MYRIP: variants seen among roughly 807,000 people sequenced by gnomAD.
MYRIP encodes the protein rab effector MyRIP.
Under a neutral mutation model 98.0 loss-of-function variants are expected in MYRIP, and 49 were observed. That is an observed-to-expected ratio of 0.50 (90% CI 0.40 to 0.63). The LOEUF (loss-of-function observed/expected upper bound fraction) is 0.63. Among genes scored for constraint, MYRIP ranks in the 30% least tolerant of loss-of-function variants. The pLI is 0.00. For synonymous variants in MYRIP, 404 were observed against 409.5 expected, an observed-to-expected ratio of 0.99 and a Z score of 0.16; for missense variants, 1,004 against 1,058.2, an observed-to-expected ratio of 0.95 and a Z score of 0.71.
chr3:39,956,744 G>T (rs574759408), intron 2 of MYRIP, among the ~76,000 whole-genome samples: 3 of 151,812 alleles, frequency 2.0e-5, no homozygotes, highest in Non-Finnish European at 2.9e-5. Context: ...CCAGGAGCTT[G>T]TATTTTGAAA....
chr3:40,094,906 G>A, intron 3 of MYRIP, among the ~76,000 whole-genome samples: 1 of 152,238 alleles, frequency 6.6e-6, no homozygotes, highest in South Asian at 2.1e-4. Context: ...CAGAGCTCTG[G>A]CCCCTCTGTG....
intron 1 of MYRIP, among the ~76,000 whole-genome samples, chr3:39,831,087 A>G (rs970339822): frequency 2.0e-5 from 3 of 152,178 alleles, no homozygotes; most frequent in African/African-American, 7.2e-5. Context: ...ACCAGGTCTC[A>G]AGGATATACT....
intron 15 of MYRIP, 94 bp from the exon 16 acceptor site, chr3:40,251,787 C>T: frequency 1.2e-6 from 1 of 816,962 alleles, no homozygotes; most frequent in South Asian, 1.5e-5. Flanking sequence ...AAGTCTAGAA[C>T]AAAAGTCTGA....
chr3:40,147,113 CT>C (rs1228682854), intron 3 of MYRIP, among the ~76,000 whole-genome samples: 1 of 152,200 alleles, frequency 6.6e-6, no homozygotes, highest in Non-Finnish European at 1.5e-5. Flanking sequence ...TATCTTGCCA[CT>C]TATTGATTAG....
chr3:39,853,406 A>C (rs929478390), intron 1 of MYRIP, among the ~76,000 whole-genome samples: 1 of 152,080 alleles, frequency 6.6e-6, no homozygotes, highest in African/African-American at 2.4e-5. Context: ...CACCACATCC[A>C]TGCCAGCATC....
At chr3:40,210,708 T>G (rs1336197339) in intron 11 of MYRIP, among the ~76,000 whole-genome samples, 1 of 152,158 alleles carries the variant, frequency 6.6e-6, no homozygotes, top group Non-Finnish European at 1.5e-5. Context: ...CGCTTGATTT[T>G]CAGACCCACA....
At chr3:39,915,133 T>G (rs6786998) in intron 2 of MYRIP, among the ~76,000 whole-genome samples, 74,118 of 151,886 alleles carry the variant, frequency 0.49, 19,127 homozygotes, top group African/African-American at 0.67. Context: ...AGCAACAGAG[T>G]CACTTGCTTT....
intron 3 of MYRIP, 109 bp from the exon 4 acceptor site, chr3:40,150,939 G>A: frequency 9.1e-7 from 1 of 1,098,426 alleles, no homozygotes; most frequent in Non-Finnish European, 1.2e-6. Context: ...CAGATTCAAG[G>A]GGAATAAACT....
chr3:40,047,637 T>C (rs1442473031), intron 3 of MYRIP, among the ~76,000 whole-genome samples: 1 of 152,186 alleles, frequency 6.6e-6, no homozygotes, highest in Middle Eastern at 3.2e-3. Flanking sequence ...ATTTTGTTCA[T>C]TCCCTATTTT....
intron 3 of MYRIP, among the ~76,000 whole-genome samples, chr3:40,147,324 T>C (rs142801953): frequency 1.3e-5 from 2 of 152,188 alleles, no homozygotes; most frequent in African/African-American, 4.8e-5. Context: ...TTCTGCAAGA[T>C]GGGGAAATTA....
chr3:40,180,293 A>G (rs1950854997), intron 8 of MYRIP, among the ~76,000 whole-genome samples: 1 of 152,180 alleles, frequency 6.6e-6, no homozygotes, highest in African/African-American at 2.4e-5. Context: ...AAAATTAGGC[A>G]CTTTGAAAAA....
chr3:40,098,303 G>A (rs984828344), intron 3 of MYRIP, among the ~76,000 whole-genome samples: 2 of 152,084 alleles, frequency 1.3e-5, no homozygotes, highest in Non-Finnish European at 2.9e-5. Flanking sequence ...AAGTTTTTAT[G>A]TATAGCCTGC....
chr3:40,070,700 C>T (rs1290728916), intron 3 of MYRIP, among the ~76,000 whole-genome samples: 4 of 152,116 alleles, frequency 2.6e-5, no homozygotes, highest in African/African-American at 9.7e-5. Flanking sequence ...GATCCCAAAA[C>T]CATCCACCCC....
At chr3:39,982,664 A>G (rs1025185728) in intron 2 of MYRIP, among the ~76,000 whole-genome samples, 2 of 152,162 alleles carry the variant, frequency 1.3e-5, no homozygotes, top group Non-Finnish European at 2.9e-5. Context: ...GGTAAATATT[A>G]TTATTCCTTA....
At chr3:39,957,567 A>T (rs1376272868) in intron 2 of MYRIP, among the ~76,000 whole-genome samples, 1 of 152,184 alleles carries the variant, frequency 6.6e-6, no homozygotes, top group Non-Finnish European at 1.5e-5. Context: ...CCCACAGCCA[A>T]TATCATACTG....
At chr3:39,922,186 G>A (rs6599061) in intron 2 of MYRIP, among the ~76,000 whole-genome samples, 109,390 of 152,000 alleles carry the variant, frequency 0.72, 40,803 homozygotes, top group African/African-American at 0.93. Flanking sequence ...GGCAATACCA[G>A]TTGTCACAGA....
intron 2 of MYRIP, among the ~76,000 whole-genome samples, chr3:39,909,433 C>A (rs1362240225): frequency 6.6e-6 from 1 of 152,090 alleles, no homozygotes; most frequent in Non-Finnish European, 1.5e-5. Context: ...CAGTAGGGGA[C>A]TCACAAATTT....
chr3:40,067,620 G>C (rs927150587), intron 3 of MYRIP, among the ~76,000 whole-genome samples: 1 of 152,116 alleles, frequency 6.6e-6, no homozygotes, highest in South Asian at 2.1e-4. Flanking sequence ...GCTAGGTATT[G>C]TACTCAGAAT....
chr3:40,041,400 G>A (rs529841551), intron 2 of MYRIP, among the ~76,000 whole-genome samples: 1,748 of 147,032 alleles, frequency 0.012, 45 homozygotes, highest in African/African-American at 0.042. Context: ...ACATTAATGG[G>A]ACCAACTGAC....
Sources: gnomAD v4.1 joint callset for allele counts (sites outside exome capture counted in the v4.1 genomes callset) on GRCh38, gnomAD v4.1.1 for gene constraint, MANE v1.5 for transcripts, NCBI Gene and HGNC (gene_info 2026-07-23, HGNC 2026-07-21) for gene names.